SEZ6L: variants seen among roughly 807,000 people sequenced by gnomAD.
The protein encoded by SEZ6L is seizure related 6 homolog like.
Under a neutral mutation model 106.2 loss-of-function variants are expected in SEZ6L, and 37 were observed. The observed-to-expected ratio is 0.35, with a 90% CI of 0.27 to 0.46. SEZ6L has a LOEUF of 0.46. SEZ6L is among the 20% of genes least tolerant of loss of function. SEZ6L has a pLI of 1.00. For missense variants in SEZ6L, 1,172 were observed against 1,332.8 expected, an observed-to-expected ratio of 0.88 and a Z score of 1.88; for synonymous variants, 541 against 570.4, an observed-to-expected ratio of 0.95 and a Z score of 0.73.
chr22:26,358,627 G>A (rs1010386200), intron 12 of SEZ6L, among the ~76,000 whole-genome samples: 32 of 152,322 alleles, frequency 2.1e-4, no homozygotes, highest in African/African-American at 6.7e-4. Context: ...GAGTGGGTTC[G>A]TGAGTAGATC....
At chr22:26,190,990 G>T (rs1230207117) in intron 1 of SEZ6L, among the ~76,000 whole-genome samples, 1 of 152,160 alleles carries the variant, frequency 6.6e-6, no homozygotes, top group Non-Finnish European at 1.5e-5. Flanking sequence ...CTTACCTTCT[G>T]CAGGAGAAAG....
At chr22:26,304,150 G>A (rs567157028) in intron 5 of SEZ6L, among the ~76,000 whole-genome samples, 2 of 151,906 alleles carry the variant, frequency 1.3e-5, no homozygotes, top group African/African-American at 4.8e-5. Context: ...TCAGGAGTTC[G>A]AGACCAGCCT....
At position 26,380,253 on chromosome 22, in the gene SEZ6L, C is replaced by G. The variant is rs1200145618; in HGVS notation, c.3046-13C>G. The G allele has an allele frequency of 6.2e-7, 1 of 1,613,424 alleles. No individual in the cohort carries two copies. Among genetic ancestry groups the G allele is most frequent in the Admixed American group, 1.7e-5 (1 of 60,026 alleles). On this transcript the variant is annotated splice_polypyrimidine_tract_variant and intron_variant, in intron 16 of 16. Coordinates refer to ENST00000248933, the MANE Select transcript of SEZ6L (RefSeq NM_021115.5). The stretch of plus-strand genomic sequence containing the variant: ...ACAAGCGTTTGACAAATCCGTGCTT[C>G]TCTCTCTTGCAGGAAACCAGAGAGT...
In SEZ6L at chr22:26,169,778, G is replaced by A. The variant is rs571902932; in HGVS notation, c.94+15G>A. On this transcript the variant is annotated intron_variant, in intron 1 of 16. Transcript: ENST00000248933. ...GCTGGAGCGAGGTAAGCGCCCCGAG[G>A]GGCGGGGCGGGCAGGGGGCAAAGTT... The A allele has an allele frequency of 1.7e-5, 21 of 1,222,700 alleles. No homozygotes were observed. The Middle Eastern group carries it at 2.2e-3, about 127-fold the overall frequency. The allele number at this position is 1,222,700 out of a possible 1,614,324, so 75.7% of individuals were successfully genotyped here.
intron 1 of SEZ6L, among the ~76,000 whole-genome samples, chr22:26,264,416 T>C (rs1455299244): frequency 6.6e-6 from 1 of 152,212 alleles, no homozygotes; most frequent in East Asian, 1.9e-4. Flanking sequence ...CAAATACAAA[T>C]GAGGAAGATG....
intron 1 of SEZ6L, among the ~76,000 whole-genome samples, chr22:26,250,492 G>T (rs2079536659): frequency 6.6e-6 from 1 of 152,102 alleles, no homozygotes; most frequent in African/African-American, 2.4e-5. Flanking sequence ...ATTCATTTCT[G>T]GGTTTGCGAT....
intron 1 of SEZ6L, among the ~76,000 whole-genome samples, chr22:26,276,581 A>G (rs1405360516): frequency 1.3e-5 from 2 of 152,208 alleles, no homozygotes; most frequent in East Asian, 3.8e-4. Context: ...GCATATAGGT[A>G]ATTGAATGCA....
At chr22:26,300,743 A>G (rs1006312280) in intron 5 of SEZ6L, among the ~76,000 whole-genome samples, 2 of 152,206 alleles carry the variant, frequency 1.3e-5, no homozygotes, top group Admixed American at 1.3e-4. Flanking sequence ...GACTTCCACA[A>G]TGGTTGAACT....
intron 1 of SEZ6L, among the ~76,000 whole-genome samples, chr22:26,289,017 G>C (rs1052951881): frequency 2.0e-5 from 3 of 152,156 alleles, no homozygotes; most frequent in Non-Finnish European, 4.4e-5. Flanking sequence ...TCAATTCCCT[G>C]GTCATTTCAA....
intron 9 of SEZ6L, among the ~76,000 whole-genome samples, chr22:26,327,795 C>G (rs1208881738): frequency 6.6e-6 from 1 of 152,218 alleles, no homozygotes; most frequent in Non-Finnish European, 1.5e-5. Flanking sequence ...TCAAGGTGAG[C>G]TCTCGCACCC....
intron 1 of SEZ6L, among the ~76,000 whole-genome samples, chr22:26,171,890 A>T (rs1261562536): frequency 6.6e-6 from 1 of 152,058 alleles, no homozygotes; most frequent in Non-Finnish European, 1.5e-5. Flanking sequence ...AGAGCCCAAC[A>T]TCCACTAATG....
intron 1 of SEZ6L, among the ~76,000 whole-genome samples, chr22:26,287,863 G>T (rs1231395116): frequency 6.6e-6 from 1 of 152,196 alleles, no homozygotes; most frequent in Non-Finnish European, 1.5e-5. Context: ...AAGGAAAAGG[G>T]GATAGTAGGG....
intron 12 of SEZ6L, among the ~76,000 whole-genome samples, chr22:26,358,073 C>T (rs373731871): frequency 3.9e-5 from 6 of 152,264 alleles, no homozygotes; most frequent in South Asian, 2.1e-4. Context: ...CTGTGGCCAC[C>T]GTAGGAGCTT....
intron 12 of SEZ6L, among the ~76,000 whole-genome samples, chr22:26,351,966 C>T (rs542950596): frequency 3.3e-5 from 5 of 152,156 alleles, no homozygotes; most frequent in Middle Eastern, 3.4e-3. Context: ...TGAGACCAGT[C>T]TGGGCAACAT....
chr22:26,379,432 C>T (rs2084342240), intron 16 of SEZ6L, among the ~76,000 whole-genome samples: 1 of 152,242 alleles, frequency 6.6e-6, no homozygotes. Flanking sequence ...TCATGGGGAC[C>T]ACCTTGGGGC....
chr22:26,279,615 C>T (rs747978338), intron 1 of SEZ6L, among the ~76,000 whole-genome samples: 1 of 152,178 alleles, frequency 6.6e-6, no homozygotes, highest in Non-Finnish European at 1.5e-5. Context: ...AGGACCAGGC[C>T]GTAGCAGTTT....
intron 12 of SEZ6L, among the ~76,000 whole-genome samples, chr22:26,360,025 A>G (rs1245695811): frequency 6.6e-6 from 1 of 152,216 alleles, no homozygotes; most frequent in South Asian, 2.1e-4. Context: ...ATCATCTAAT[A>G]CAGAATGGTT....
intron 1 of SEZ6L, among the ~76,000 whole-genome samples, chr22:26,188,665 A>T (rs1245114440): frequency 6.6e-6 from 1 of 152,192 alleles, no homozygotes. Context: ...TCATTGGTTT[A>T]TGTCTGTGTC....
intron 1 of SEZ6L, among the ~76,000 whole-genome samples, chr22:26,268,540 C>G (rs568947585): frequency 4.6e-5 from 7 of 152,196 alleles, no homozygotes; most frequent in Admixed American, 1.3e-4. Flanking sequence ...TCATATGACC[C>G]CTTAAGCCAA....
Sources: allele counts gnomAD v4.1 joint callset (sites outside exome capture counted in the v4.1 genomes callset), GRCh38; gene constraint gnomAD v4.1.1; transcripts MANE v1.5; gene names NCBI Gene and HGNC (gene_info 2026-07-23, HGNC 2026-07-21).